Variants in IQCH observed in about 807,000 individuals in gnomAD.
IQCH encodes IQ motif containing H.
In IQCH, 98 loss-of-function variants were observed where a neutral mutation model predicts 117.0. The ratio of observed to expected loss-of-function variants is 0.84; its 90% confidence interval spans 0.71 to 0.99. The LOEUF (loss-of-function observed/expected upper bound fraction) is 0.99, where lower values mean the gene tolerates loss of function less well. Among genes scored for constraint, IQCH ranks in the 50% least tolerant of loss-of-function variants. IQCH has a pLI of 0.00. For synonymous variants in IQCH, 412 were observed against 448.2 expected, an observed-to-expected ratio of 0.92 and a Z score of 1.02; for missense variants, 1,102 against 1,243.8, an observed-to-expected ratio of 0.89 and a Z score of 1.72.
At chr15:67,357,901 C>T (rs1969961533) in intron 7 of IQCH, among the ~76,000 whole-genome samples, 1 of 151,818 alleles carries the variant, frequency 6.6e-6, no homozygotes, top group African/African-American at 2.4e-5. Context: ...ACTCTGTTGC[C>T]CAGGCTGGAG....
rs772543592 is a variant in IQCH at position 67,359,910 on chromosome 15, A to C, written c.753+25A>C. The C allele has an allele frequency of 6.3e-7, 1 of 1,581,324 alleles. No individual in the cohort carries two copies. The highest frequency in any genetic ancestry group is 8.7e-7 in the Non-Finnish European group (1 of 1,154,894). ...GGTCTGTAATTTGTGTGACTAGTTG[A>C]AATTTAGGGTCTGTCACCTGATGTC... On this transcript the variant is annotated intron_variant, in intron 8 of 20. Coordinates refer to ENST00000335894, the MANE Select transcript of IQCH (RefSeq NM_001031715.3). This position sits in a 1 kb window ranked among gnomAD's most constrained non-coding sequence, Gnocchi z 4.5.
chr15:67,282,715 G>A (rs1400603742), intron 4 of IQCH, among the ~76,000 whole-genome samples: 1 of 152,116 alleles, frequency 6.6e-6, no homozygotes, highest in Non-Finnish European at 1.5e-5. Flanking sequence ...ATCCAACTGG[G>A]ATATTACTAC....
chr15:67,306,841 A>G (rs1967322811), intron 4 of IQCH: 5 of 1,533,292 alleles, frequency 3.3e-6, no homozygotes, highest in Non-Finnish European at 4.4e-6. Flanking sequence ...CCTCAAAGGT[A>G]TGTGGAAACA....
rs560057226 is a variant in IQCH at position 67,344,204 on chromosome 15, T to G, written c.637+13T>G. Reference sequence around the variant, plus strand: ...ATTCCAACTGTAGGTAAGATACTCATGCATCTCAGTTCAGTTGGGGACACA... The same window carrying G: ...ATTCCAACTGTAGGTAAGATACTCAGGCATCTCAGTTCAGTTGGGGACACA... On this transcript the variant is annotated intron_variant, in intron 6 of 20. Transcript: ENST00000335894. The G allele has an allele frequency of 1.2e-6, 2 of 1,611,294 alleles. No homozygotes were observed. The highest frequency in any genetic ancestry group is 4.5e-5 in the East Asian group (2 of 44,816).
intron 6 of IQCH, among the ~76,000 whole-genome samples, chr15:67,355,439 A>T (rs1183032243): frequency 6.6e-6 from 1 of 152,112 alleles, no homozygotes; most frequent in Non-Finnish European, 1.5e-5. Flanking sequence ...TACAAAAAAA[A>T]ATTAGCTGGG....
intron 8 of IQCH, chr15:67,371,551 A>C (rs753312695): frequency 7.0e-7 from 1 of 1,426,486 alleles, no homozygotes; most frequent in South Asian, 1.2e-5. Flanking sequence ...CATATAACAT[A>C]ATGTTCCTTG....
At chr15:67,255,016 C>T (rs1335960690) in intron 1 of IQCH, 69 bp downstream of exon 1, 2 of 1,470,102 alleles carry the variant, frequency 1.4e-6, no homozygotes, top group Non-Finnish European at 1.9e-6. Flanking sequence ...TCCCGCGCGC[C>T]GATTCACCGA....
rs756013657 is a variant in IQCH, at chr15:67,500,757, C to T, written c.*11C>T. 7 of 1,353,986 alleles carry T rather than the reference C, an allele frequency of 5.2e-6. No homozygotes were observed. Among genetic ancestry groups the T allele is most frequent in the East Asian group, 2.3e-5 (1 of 42,802 alleles). 83.9% of individuals were successfully genotyped at this position (1,353,986 alleles called of 1,614,324 possible). On this transcript the variant is annotated 3_prime_UTR_variant, in exon 21 of 21. Transcript: ENST00000335894. The surrounding 1 kb of genome is among the most constrained non-coding windows in gnomAD (Gnocchi z 4.4). ...AAACCCAAGAAATGATCCTGGAATA[C>T]AGTACATAACAATTTGGATCCCAGT...
chr15:67,372,788 A>G, intron 9 of IQCH, 126 bp downstream of exon 9: 1 of 717,306 alleles, frequency 1.4e-6, no homozygotes, highest in Non-Finnish European at 2.3e-6. Flanking sequence ...TCAGACTCCC[A>G]CGCCTTTCAC....
chr15:67,330,604 T>C (rs1490536842), intron 4 of IQCH, among the ~76,000 whole-genome samples: 1 of 152,064 alleles, frequency 6.6e-6, no homozygotes, highest in African/African-American at 2.4e-5. Context: ...GTAGAGCCGG[T>C]GACCTAAGCT....
At position 67,427,389 on chromosome 15, in the gene IQCH, T is replaced by C. The variant is rs968899056; in HGVS notation, c.2505+5812T>C. Among the ~76,000 whole-genome samples, 2 of 152,058 alleles carry C rather than the reference T, an allele frequency of 1.3e-5. No individual in the cohort carries two copies. Among genetic ancestry groups the C allele is most frequent in the Non-Finnish European group, 2.9e-5 (2 of 68,008 alleles). On this transcript the variant is annotated intron_variant, in intron 16 of 20. Coordinates refer to ENST00000335894, the MANE Select transcript of IQCH (RefSeq NM_001031715.3). This position sits in a 1 kb window ranked among gnomAD's most constrained non-coding sequence, Gnocchi z 4.7. Reference sequence around the variant, plus strand: ...CCAGCTGTTTTTCTTTTTTCTTTTCTTTTTTTTGTAGAGATAGGGTCTCAC... The same window carrying C: ...CCAGCTGTTTTTCTTTTTTCTTTTCCTTTTTTTGTAGAGATAGGGTCTCAC...
At chr15:67,499,700 A>C (rs1454069113) in intron 20 of IQCH, among the ~76,000 whole-genome samples, 7 of 152,184 alleles carry the variant, frequency 4.6e-5, no homozygotes, top group Admixed American at 1.3e-4. Context: ...GAAACAACCC[A>C]AGTGTCCATC....
intron 5 of IQCH, among the ~76,000 whole-genome samples, chr15:67,340,014 A>C (rs561072870): frequency 1.3e-5 from 2 of 152,332 alleles, no homozygotes; most frequent in Admixed American, 6.5e-5. Context: ...TTAGGGCTAT[A>C]GCATGTGACC....
intron 3 of IQCH, among the ~76,000 whole-genome samples, chr15:67,270,368 G>A (rs1202680296): frequency 1.3e-5 from 2 of 152,110 alleles, no homozygotes; most frequent in African/African-American, 2.4e-5. Flanking sequence ...GTCATATATG[G>A]CATTTATTAT....
At chr15:67,353,163 A>G (rs1450798580) in intron 6 of IQCH, among the ~76,000 whole-genome samples, 1 of 151,834 alleles carries the variant, frequency 6.6e-6, no homozygotes, top group African/African-American at 2.4e-5. Context: ...AAAATAAAGA[A>G]AAAAGAAAAC....
At position 67,364,419 on chromosome 15, in the gene IQCH, T is replaced by C. The variant is rs1024012273; in HGVS notation, c.753+4534T>C. Among the ~76,000 whole-genome samples, 1 of 152,304 alleles carries C rather than the reference T, an allele frequency of 6.6e-6. No homozygotes were observed. The highest frequency in any genetic ancestry group is 1.9e-4 in the East Asian group (1 of 5,192). On this transcript the variant is annotated intron_variant, in intron 8 of 20. Transcript: ENST00000335894. The surrounding 1 kb of genome is among the most constrained non-coding windows in gnomAD (Gnocchi z 4.1). ...TTATATAGTTTTATTTGCCAAACAA[T>C]TTTTTTGAAATTCTTGTGGAACAAT...
intron 16 of IQCH, among the ~76,000 whole-genome samples, chr15:67,434,531 C>T (rs746263270): frequency 7.2e-5 from 11 of 152,150 alleles, no homozygotes; most frequent in Non-Finnish European, 1.6e-4. Flanking sequence ...GTTGTTTCCA[C>T]GTCTTGGCTA....
intron 9 of IQCH, among the ~76,000 whole-genome samples, chr15:67,373,149 T>C (rs922072134): frequency 1.3e-5 from 2 of 152,210 alleles, no homozygotes; most frequent in African/African-American, 4.8e-5. Flanking sequence ...TTCATTCATA[T>C]TCTGTTAATT....
rs1029855682 is a variant in IQCH, at chr15:67,411,738, C to T, written c.2098-5193C>T. On this transcript the variant is annotated intron_variant, in intron 14 of 20. Coordinates refer to ENST00000335894, the MANE Select transcript of IQCH (RefSeq NM_001031715.3). The surrounding 1 kb of genome is among the most constrained non-coding windows in gnomAD (Gnocchi z 4.4). ...TTGAAGTAGCTTTAGTCATTGAGTG[C>T]AGTATTAAGCTTTAGTCACTAGCTT... 5.9e-5 allele frequency among the ~76,000 whole-genome samples: 9 copies of T among 152,254 alleles called. No homozygotes were observed. Among genetic ancestry groups the T allele is most frequent in the South Asian group, 2.1e-4 (1 of 4,812 alleles).
Sources: gnomAD v4.1 joint callset for allele counts (sites outside exome capture counted in the v4.1 genomes callset) on GRCh38, gnomAD v4.1.1 for gene constraint, Gnocchi (gnomAD v3.1) non-coding constraint, MANE v1.5 for transcripts, NCBI Gene and HGNC (gene_info 2026-07-23, HGNC 2026-07-21) for gene names.